Variants in MMP14 observed in about 807,000 individuals in gnomAD.
The protein encoded by MMP14 is matrix metallopeptidase 14, also known as matrix metalloproteinase-14.
In MMP14, 13 loss-of-function variants were observed where a neutral mutation model predicts 64.8. The observed-to-expected ratio is 0.20, with a 90% CI of 0.13 to 0.32. MMP14 has a LOEUF of 0.32. Among genes scored for constraint, MMP14 ranks in the 10% least tolerant of loss-of-function variants. The probability of loss-of-function intolerance (pLI) is 1.00; values close to 1 mark genes in which losing one functional copy is unlikely to be tolerated. For synonymous variants in MMP14, 322 were observed against 315.9 expected (o/e 1.02, Z -0.20); for missense variants, 594 against 783.8 (o/e 0.76, Z 2.89).
In MMP14 at chr14:22,844,448, C is replaced by T; in HGVS notation, c.1089C>T (p.Gly363=). The T allele has an allele frequency of 1.2e-6, 2 of 1,614,106 alleles. No homozygotes were observed. The highest frequency in any genetic ancestry group is 8.5e-7 in the Non-Finnish European group (1 of 1,180,016). The change falls in exon 7 of 10, where the codon GGC becomes GGT. Residue 363 remains glycine (G), a synonymous_variant. Coordinates refer to ENST00000311852, the MANE Select transcript of MMP14 (RefSeq NM_004995.4). ...YPMPIGQFWR[G]LPASINTAYE... ...TGCCCATTGGCCAGTTCTGGCGGGG[C>T]CTGCCTGCGTCCATCAACACTGCCT...
rs1480159669 is a variant in MMP14, at chr14:22,843,807, C to T, written c.948C>T (p.Pro316=). 1 of 1,613,820 alleles carries T rather than the reference C, an allele frequency of 6.2e-7. No homozygotes were observed. The highest frequency in any genetic ancestry group is 8.5e-7 in the Non-Finnish European group (1 of 1,179,948). Residue 316 remains proline, a synonymous_variant, in exon 6 of 10, where the codon CCC becomes CCT. Transcript: ENST00000311852. The surrounding 1 kb of genome is among the most constrained non-coding windows in gnomAD (Gnocchi z 4.8). ...PDKPKNPTYG[P]NICDGNFDTV... ...AACCCAAAAACCCCACCTATGGGCCCAACATCTGTGACGGGAACTTTGACA... is the reference window on the plus strand; with the variant it reads ...AACCCAAAAACCCCACCTATGGGCCTAACATCTGTGACGGGAACTTTGACA...
rs2039818843 is a variant in MMP14 at position 22,846,918 on chromosome 14, G to C, written c.*879G>C. On this transcript the variant is annotated 3_prime_UTR_variant, in exon 10 of 10. Coordinates refer to ENST00000311852, the MANE Select transcript of MMP14 (RefSeq NM_004995.4). ...AAAGAACCTTGCCCAAACTCAGGCA[G>C]CTGGGGCTGAGGCCCAAAGGCAGAA... is the stretch of plus-strand genomic sequence containing the variant. The C allele has an allele frequency of 6.6e-6, 1 of 152,656 alleles. No homozygotes were observed. The highest frequency in any genetic ancestry group is 2.4e-5 in the African/African-American group (1 of 41,478). 9.5% of individuals were successfully genotyped at this position (152,656 alleles called of 1,614,324 possible).
chr14:22,847,537 TTG>T lies in MMP14; in HGVS notation c.*1500_*1501del, dbSNP rs1427629016. 5 of 150,802 alleles carry T rather than the reference TTG, an allele frequency of 3.3e-5. No individual in the cohort carries two copies. The highest frequency in any genetic ancestry group is 4.9e-5 in the African/African-American group (2 of 41,172). 9.3% of individuals were successfully genotyped at this position (150,802 alleles called of 1,614,324 possible). On this transcript the variant is annotated 3_prime_UTR_variant, in exon 10 of 10. Transcript: ENST00000311852. ...CAGTTCGGCTAGATTTCTGTCTTGT[TTG>T]TTTTTTTGTTTTGTTTAATGTATAT...
intron 1 of MMP14, 86 bp downstream of exon 1, chr14:22,837,011 G>T: frequency 9.6e-7 from 1 of 1,042,324 alleles, no homozygotes; most frequent in Non-Finnish European, 1.4e-6. Context: ...TCTATTCGGA[G>T]AGGAGGGCTT....
Position 22,846,417 on chromosome 14 carries a change from C to A in MMP14, c.*378C>A. 2 of 219,812 alleles carry A rather than the reference C, an allele frequency of 9.1e-6. No homozygotes were observed. The highest frequency in any genetic ancestry group is 1.8e-5 in the Non-Finnish European group (2 of 111,262). 13.6% of individuals were successfully genotyped at this position (219,812 alleles called of 1,614,324 possible). ...ATGGGGTCATCTGCTCCTTTTCCAT[C>A]CCCTGACATACCTTAACCTCTGAAC... On this transcript the variant is annotated 3_prime_UTR_variant, in exon 10 of 10. Transcript: ENST00000311852.
rs1379909020 is a variant in MMP14, at chr14:22,843,599, T to C, written c.851-111T>C. The C allele has an allele frequency of 2.1e-6, 3 of 1,420,270 alleles. No individual in the cohort carries two copies. Among genetic ancestry groups the C allele is most frequent in the Non-Finnish European group, 2.9e-6 (3 of 1,044,132 alleles). 88.0% of individuals were successfully genotyped at this position (1,420,270 alleles called of 1,614,324 possible). ...CGCCTCCCAGTTGGTTGCTTCAGCC[T>C]CCCCTAGAAGCCCATCCACACCTTT... On this transcript the variant is annotated intron_variant, in intron 5 of 9. Transcript: ENST00000311852. The surrounding 1 kb of genome is among the most constrained non-coding windows in gnomAD (Gnocchi z 4.8).
chr14:22,836,685 C>T lies in MMP14; in HGVS notation c.-133C>T, dbSNP rs1166836252. 1.8e-6 allele frequency: 1 copy of T among 555,208 alleles called. No homozygotes were observed. The highest frequency in any genetic ancestry group is 3.2e-6 in the Non-Finnish European group (1 of 314,872). 34.4% of individuals were successfully genotyped at this position (555,208 alleles called of 1,614,324 possible). On this transcript the variant is annotated 5_prime_UTR_variant, in exon 1 of 10. Transcript: ENST00000311852. ...GGAACAATCCCCTTTAACTCCAAGC[C>T]GACAGCGGTCTAGGAATTCAAGTTC...
chr14:22,837,286 AC>A (rs1204452046), intron 1 of MMP14: 1 of 489,984 alleles, frequency 2.0e-6, no homozygotes, highest in African/African-American at 2.0e-5. Flanking sequence ...CTCCGCTCAA[AC>A]CCCGCGCTGT....
At chr14:22,837,823 G>A (rs1369972312) in intron 1 of MMP14, among the ~76,000 whole-genome samples, 1 of 152,186 alleles carries the variant, frequency 6.6e-6, no homozygotes, top group Non-Finnish European at 1.5e-5. Context: ...AGGAAGCTGC[G>A]TGGGAGTTGT....
rs751496880 is a variant in MMP14, at chr14:22,846,034, G to T, written c.1744G>T (p.Val582Phe). 7 of 1,476,148 alleles carry T rather than the reference G, an allele frequency of 4.7e-6. No homozygotes were observed. The highest frequency in any genetic ancestry group is 6.3e-6 in the Non-Finnish European group (7 of 1,111,538). The allele number at this position is 1,476,148 out of a possible 1,614,324, so 91.4% of individuals were successfully genotyped here. Residue 582 changes from valine (V) to phenylalanine (F), a missense_variant, in exon 10 of 10, where the codon GTC becomes TTC. Around this residue, in one of 4 missense-constraint regions of MMP14, gnomAD observed 364 missense variants for 425.2 expected, o/e 0.86. Transcript: ENST00000311852. ...CTGCCAGCGTTCCCTGCTGGACAAG[G>T]TCTGACGCCCACCGCCGGCCCGCCC... ...LYCQRSLLDK[V>F]
At chr14:22,836,961 C>T in intron 1 of MMP14, 36 bp downstream of exon 1, 1 of 1,559,322 alleles carries the variant, frequency 6.4e-7, no homozygotes, top group Non-Finnish European at 8.8e-7. Context: ...GGAGTCGCGC[C>T]CGCCGGGAGG....
rs1283571043 is a variant in MMP14, at chr14:22,836,865, C to G, written c.48C>G (p.Leu16=). The change falls in exon 1 of 10, where the codon CTC becomes CTG. Residue 16 remains leucine, a synonymous_variant. Transcript: ENST00000311852. ...CCCGTTGTCTCCTGCTCCCCCTGCT[C>G]ACGCTCGGCACCGCGCTCGCCTCCC... ...RPPRCLLLPL[L]TLGTALASLG... 1 of 1,613,654 alleles carries G rather than the reference C, an allele frequency of 6.2e-7. No individual in the cohort carries two copies. Among genetic ancestry groups the G allele is most frequent in the Non-Finnish European group, 8.5e-7 (1 of 1,179,820 alleles).
At position 22,843,755 on chromosome 14, in the gene MMP14, C is replaced by G. The variant is rs964786141; in HGVS notation, c.896C>G (p.Thr299Ser). 3.1e-6 allele frequency: 5 copies of G among 1,612,034 alleles called. No homozygotes were observed. The East Asian group carries it at 1.1e-4, about 36-fold the overall frequency. ...FPTKMPPQPR[T>S]TSRPSVPDKP... ...ACCAAGATGCCCCCTCAACCCAGGA[C>G]TACCTCCCGGCCTTCTGTTCCTGAT... is the stretch of plus-strand genomic sequence containing the variant. Residue 299 changes from threonine to serine, a missense_variant, in exon 6 of 10, where the codon ACT (threonine) becomes AGT (serine). This residue lies in a region of MMP14 where 364 missense variants were observed against 425.2 expected (regional missense o/e 0.86). Transcript: ENST00000311852. This position sits in a 1 kb window ranked among gnomAD's most constrained non-coding sequence, Gnocchi z 4.8.
Position 22,841,864 on chromosome 14 carries a change from C to G in MMP14, c.258-49C>G, listed in dbSNP as rs1264490677. ...CAACACTGATCGTGGAGACCTTTCTCTTTCATACACTGCACTGATCCCAAT... is the reference window on the plus strand; with the variant it reads ...CAACACTGATCGTGGAGACCTTTCTGTTTCATACACTGCACTGATCCCAAT... On this transcript the variant is annotated intron_variant, in intron 2 of 9. Transcript: ENST00000311852. 5 of 1,611,102 alleles carry G rather than the reference C, an allele frequency of 3.1e-6. No individual in the cohort carries two copies. In the African/African-American group the frequency reaches 6.7e-5, roughly 22 times the overall value.
Position 22,841,709 on chromosome 14 carries a change from A to G in MMP14, c.257+70A>G, listed in dbSNP as rs1221454571. On this transcript the variant is annotated intron_variant, in intron 2 of 9. Transcript: ENST00000311852. ...CAATGCCAGCGCCAGAGATGTTCCT[A>G]CCTGAATGCCTGGCTTGTGCACCCC... 4 of 1,596,452 alleles carry G rather than the reference A, an allele frequency of 2.5e-6. No homozygotes were observed. The East Asian group carries it at 6.7e-5, about 27-fold the overall frequency.
chr14:22,843,431 C>T lies in MMP14; in HGVS notation c.850+13C>T, dbSNP rs539736479. 94 of 1,607,840 alleles carry T rather than the reference C, an allele frequency of 5.8e-5. No individual in the cohort carries two copies. The highest frequency in any genetic ancestry group is 7.3e-5 in the Non-Finnish European group (86 of 1,176,178). ...CAGCAACTTTATGGCGAGTAGTCTA[C>T]ACCCACGCCTGCTCCCTCCTCTGCT... is the stretch of plus-strand genomic sequence containing the variant. On this transcript the variant is annotated intron_variant, in intron 5 of 9. Coordinates refer to ENST00000311852, the MANE Select transcript of MMP14 (RefSeq NM_004995.4). The surrounding 1 kb of genome is among the most constrained non-coding windows in gnomAD (Gnocchi z 4.8).
intron 1 of MMP14, among the ~76,000 whole-genome samples, chr14:22,840,232 G>A (rs1008090572): frequency 2.0e-5 from 3 of 152,140 alleles, no homozygotes; most frequent in African/African-American, 4.8e-5. Context: ...CTCCCAAACT[G>A]TCGGGATTAC....
Position 22,844,508 on chromosome 14 carries a change from A to G in MMP14, c.1149A>G (p.Lys383=). 1 of 1,614,166 alleles carries G rather than the reference A, an allele frequency of 6.2e-7. No homozygotes were observed. Among genetic ancestry groups the G allele is most frequent in the Non-Finnish European group, 8.5e-7 (1 of 1,180,012 alleles). ...ERKDGKFVFF[K]GDKHWVFDEA... is the part of the protein sequence containing the mutation. ...AGGATGGCAAATTCGTCTTCTTCAA[A>G]GGTAACCAGGCACTCCACTTTAGTC... is the stretch of plus-strand genomic sequence containing the variant. The change falls in exon 7 of 10, where the codon AAA becomes AAG. Residue 383 remains lysine, a splice_region_variant and synonymous_variant. Coordinates refer to ENST00000311852, the MANE Select transcript of MMP14 (RefSeq NM_004995.4).
intron 1 of MMP14, among the ~76,000 whole-genome samples, chr14:22,839,895 G>A (rs983885368): frequency 2.0e-5 from 3 of 151,840 alleles, no homozygotes; most frequent in Non-Finnish European, 4.4e-5. Flanking sequence ...AGCTATCTGG[G>A]TGGTGTCTTC....
Sources: gnomAD v4.1 joint callset for allele counts (sites outside exome capture counted in the v4.1 genomes callset) on GRCh38, gnomAD v4.1.1 for gene constraint, gnomAD v4.1.1 regional missense constraint, Gnocchi (gnomAD v3.1) non-coding constraint, MANE v1.5 for transcripts, NCBI Gene and HGNC (gene_info 2026-07-23, HGNC 2026-07-21) for gene names.